SFI1: variants seen among roughly 807,000 people sequenced by gnomAD.
The protein encoded by SFI1 is SFI1 centrin binding protein, also known as protein SFI1 homolog.
Under a neutral mutation model 207.5 loss-of-function variants are expected in SFI1, and 195 were observed. The observed-to-expected ratio is 0.94, with a 90% confidence interval of 0.84 to 1.06. SFI1 has a LOEUF of 1.06. SFI1 is among the 50% of genes least tolerant of loss of function. The probability of loss-of-function intolerance (pLI) is 0.00; values close to 1 mark genes in which losing one functional copy is unlikely to be tolerated. For synonymous variants in SFI1, 630 were observed against 598.9 expected (o/e 1.05, Z -0.76); for missense variants, 1,634 against 1,588.0 (o/e 1.03, Z -0.49).
intron 12 of SFI1, among the ~76,000 whole-genome samples, chr22:31,582,234 ATATTTTTTTTT>A (rs2064383356): frequency 4.9e-5 from 1 of 20,516 alleles, no homozygotes; most frequent in Admixed American, 6.8e-4. Context: ...ATATATATAT[ATATTTTTTTTT>A]TTTTTTTTTT....
chr22:31,580,352 G>T lies in SFI1; in HGVS notation c.1236G>T (p.Gln412His), dbSNP rs1227035054. Residue 412 changes from glutamine (Q) to histidine (H), a missense_variant, in exon 12 of 33, where the codon CAG becomes CAT. Physicochemically the swap from Gln to His is conservative, Grantham distance 24. Transcript: ENST00000400288. The part of the protein sequence containing the change: ...QQIRRNLAHQ[Q>H]HGVTLLHRFW... ...TAAGAAGGAATCTTGCTCACCAGCA[G>T]CATGGTGTCACGGTGAGGGTTGTCT... is the stretch of plus-strand genomic sequence containing the variant. 2 of 1,613,642 alleles carry T rather than the reference G, an allele frequency of 1.2e-6. No individual in the cohort carries two copies. The highest frequency in any genetic ancestry group is 2.2e-5 in the South Asian group (2 of 91,060).
intron 15 of SFI1, among the ~76,000 whole-genome samples, chr22:31,595,691 G>A (rs2066999535): frequency 6.6e-6 from 1 of 152,234 alleles, no homozygotes; most frequent in Admixed American, 6.5e-5. Context: ...AGCTAGTGCT[G>A]AGGGAGACTG....
chr22:31,507,477 A>G (rs1041868696), intron 1 of SFI1, among the ~76,000 whole-genome samples: 4 of 152,220 alleles, frequency 2.6e-5, no homozygotes, highest in African/African-American at 9.6e-5. Flanking sequence ...GCCAGAAGCA[A>G]TTGCAACAGA....
In SFI1 at chr22:31,589,593, C is replaced by T. The variant is rs2065543169; in HGVS notation, c.1544+16C>T. The T allele has an allele frequency of 6.2e-7, 1 of 1,605,420 alleles. No homozygotes were observed. Among genetic ancestry groups the T allele is most frequent in the Non-Finnish European group, 8.5e-7 (1 of 1,177,142 alleles). On this transcript the variant is annotated intron_variant, in intron 15 of 32. Coordinates refer to ENST00000400288, the MANE Select transcript of SFI1 (RefSeq NM_001007467.3). ...GTTTCCACAGGTATGTTGCGCAGCT[C>T]CTGTCTGCACTGGGGCAGGTGTTTC... is the stretch of plus-strand genomic sequence containing the variant.
chr22:31,550,264 T>C lies in SFI1; in HGVS notation c.460T>C (p.Tyr154His). Reference sequence around the variant, plus strand: ...TTTTTGGCTCCTCAGGTATTACCTGTACAACCTGATGTTCCAGACGTGGAA... The same window carrying C: ...TTTTTGGCTCCTCAGGTATTACCTGCACAACCTGATGTTCCAGACGTGGAA... The part of the protein sequence containing the change: ...RADCHYRYYL[Y>H]NLMFQTWKTY... The change falls in exon 6 of 33, where the codon TAC becomes CAC. Residue 154 changes from tyrosine to histidine, a missense_variant. Physicochemically the swap from Tyr to His is moderately conservative, Grantham distance 83. Coordinates refer to ENST00000400288, the MANE Select transcript of SFI1 (RefSeq NM_001007467.3). 1 of 1,614,056 alleles carries C rather than the reference T, an allele frequency of 6.2e-7. No homozygotes were observed. The highest frequency in any genetic ancestry group is 2.2e-5 in the East Asian group (1 of 44,882).
intron 5 of SFI1, among the ~76,000 whole-genome samples, chr22:31,547,889 C>G (rs919330210): frequency 1.3e-5 from 2 of 149,578 alleles, no homozygotes; most frequent in Non-Finnish European, 3.0e-5. Flanking sequence ...GGATTACAGG[C>G]ATGAACCACC....
chr22:31,579,386 G>A (rs1475304564), intron 11 of SFI1, among the ~76,000 whole-genome samples: 1 of 151,670 alleles, frequency 6.6e-6, no homozygotes, highest in African/African-American at 2.4e-5. Context: ...TGCTATCTTG[G>A]CTCACTGCAA....
chr22:31,536,214 T>C (rs2058981451), intron 4 of SFI1, among the ~76,000 whole-genome samples: 1 of 152,094 alleles, frequency 6.6e-6, no homozygotes, highest in Non-Finnish European at 1.5e-5. Context: ...TTTCAGTTCT[T>C]ATGTGAGCCC....
At chr22:31,545,770 C>T (rs915710148) in intron 4 of SFI1, among the ~76,000 whole-genome samples, 2 of 147,104 alleles carry the variant, frequency 1.4e-5, no homozygotes, top group African/African-American at 5.0e-5. Flanking sequence ...TAGTAGAGAT[C>T]GGGTTTTACT....
At chr22:31,504,143 T>C (rs888307648) in intron 1 of SFI1, among the ~76,000 whole-genome samples, 5 of 152,100 alleles carry the variant, frequency 3.3e-5, no homozygotes, top group African/African-American at 1.2e-4. Flanking sequence ...AATGCTGGTA[T>C]AGAGTATATA....
chr22:31,575,096 GTGT>G, intron 9 of SFI1, 132 bp from the exon 10 acceptor site: 2 of 298,268 alleles, frequency 6.7e-6, no homozygotes, highest in Non-Finnish European at 1.0e-5. Flanking sequence ...GTGTGTGTGT[GTGT>G]GTGTGTGTGT....
chr22:31,612,915 T>C (rs1015017678), intron 24 of SFI1: 2 of 551,832 alleles, frequency 3.6e-6, no homozygotes, highest in Non-Finnish European at 6.5e-6. Context: ...CGCATCCCCC[T>C]GCAGGAGCCC....
At position 31,585,070 on chromosome 22, in the gene SFI1, T is replaced by G. The variant is rs1373366825; in HGVS notation, c.1349T>G (p.Ile450Arg). 4 of 1,613,524 alleles carry G rather than the reference T, an allele frequency of 2.5e-6. No individual in the cohort carries two copies. The highest frequency in any genetic ancestry group is 3.4e-6 in the Non-Finnish European group (4 of 1,179,840). Residue 450 changes from isoleucine to arginine, a missense_variant and splice_region_variant, in exon 14 of 33, where the codon ATA becomes AGA. Ile to Arg is a moderately conservative substitution (Grantham distance 97). Coordinates refer to ENST00000400288, the MANE Select transcript of SFI1 (RefSeq NM_001007467.3). Reference sequence around the variant, plus strand: ...AGGTGTTCTTCCTTTTGTTTCAGAATAGCACTGCTGTGCAAATGTATCGAA... The same window carrying G: ...AGGTGTTCTTCCTTTTGTTTCAGAAGAGCACTGCTGTGCAAATGTATCGAA... ...LLHAAWDHYRIALLCKCIELW... is the reference protein window; with the variant it reads ...LLHAAWDHYRRALLCKCIELW...
intron 10 of SFI1, among the ~76,000 whole-genome samples, chr22:31,575,880 C>T (rs2063427105): frequency 6.6e-6 from 1 of 152,212 alleles, no homozygotes; most frequent in Admixed American, 6.6e-5. Context: ...TCTTCATCCT[C>T]ATAGCAACGC....
At chr22:31,608,653 A>G (rs2069504946) in intron 22 of SFI1, among the ~76,000 whole-genome samples, 1 of 151,858 alleles carries the variant, frequency 6.6e-6, no homozygotes, top group Non-Finnish European at 1.5e-5. Flanking sequence ...GAAATAAAGA[A>G]AAGAAGCTGG....
chr22:31,549,292 A>T (rs1277865622), intron 5 of SFI1, among the ~76,000 whole-genome samples: 4 of 146,392 alleles, frequency 2.7e-5, no homozygotes, highest in Admixed American at 2.0e-4. Flanking sequence ...CCTGTGTAAA[A>T]AAAAAAAAAA....
chr22:31,582,267 T>G (rs1362517791), intron 12 of SFI1, among the ~76,000 whole-genome samples: 1 of 111,806 alleles, frequency 8.9e-6, no homozygotes, highest in Non-Finnish European at 1.8e-5. Context: ...TTTTTTTTTT[T>G]GAAACCGGGT....
intron 1 of SFI1, among the ~76,000 whole-genome samples, chr22:31,504,514 C>T (rs1021357915): frequency 1.3e-5 from 2 of 152,160 alleles, no homozygotes; most frequent in African/African-American, 2.4e-5. Flanking sequence ...TGTGTTCACC[C>T]TGTTAGCTTG....
intron 2 of SFI1, among the ~76,000 whole-genome samples, chr22:31,508,887 C>G (rs1032816524): frequency 3.3e-5 from 5 of 152,128 alleles, no homozygotes; most frequent in Admixed American, 2.6e-4. Flanking sequence ...TGCACTGTTT[C>G]TTGTAGTTCC....
Sources: gnomAD v4.1 joint callset for allele counts (sites outside exome capture counted in the v4.1 genomes callset) on GRCh38, gnomAD v4.1.1 for gene constraint, MANE v1.5 for transcripts, NCBI Gene and HGNC (gene_info 2026-07-23, HGNC 2026-07-21) for gene names.